The following SDC2 variants were observed in gnomAD, a reference collection of about 807,000 sequenced individuals.
The protein encoded by SDC2 is syndecan-2.
SDC2 carries 13 observed loss-of-function variants against 22.2 expected under a neutral mutation model. The observed-to-expected ratio is 0.59, with a 90% CI of 0.38 to 0.93. SDC2 has a LOEUF of 0.93. Among genes scored for constraint, SDC2 ranks in the 40% least tolerant of loss-of-function variants. The pLI is 0.00. For missense variants in SDC2, 235 were observed against 246.8 expected (o/e 0.95, Z 0.32); for synonymous variants, 94 against 92.8 (o/e 1.01, Z -0.07).
intron 1 of SDC2, among the ~76,000 whole-genome samples, chr8:96,509,882 A>G (rs1480274591): frequency 6.6e-6 from 1 of 152,190 alleles, no homozygotes; most frequent in East Asian, 1.9e-4. Context: ...GCTCCCTTCC[A>G]GCTTTTTCCT....
chr8:96,605,765 C>A (rs1815068082), intron 3 of SDC2, among the ~76,000 whole-genome samples: 1 of 152,174 alleles, frequency 6.6e-6, no homozygotes, highest in Non-Finnish European at 1.5e-5. Flanking sequence ...GCGTTCTGCT[C>A]ACTGAGACAG....
rs186958551 is a variant in SDC2 at position 96,596,116 on chromosome 8, C to T, written c.172+2525C>T. Among the ~76,000 whole-genome samples the T allele has an allele frequency of 4.6e-5, 7 of 152,254 alleles. No homozygotes were observed. In the East Asian group the frequency reaches 1.4e-3, roughly 29 times the overall value. ...GATTCTGTTAGTATTTCGATGATTC[C>T]CACGAGAAAACCTGAGGCACAGAGA... On this transcript the variant is annotated intron_variant, in intron 2 of 4. Transcript: ENST00000302190.
intron 1 of SDC2, among the ~76,000 whole-genome samples, chr8:96,543,939 T>G (rs1813891399): frequency 6.6e-6 from 1 of 152,186 alleles, no homozygotes; most frequent in African/African-American, 2.4e-5. Context: ...CAGCAAACAA[T>G]TTTACAGGAT....
intron 1 of SDC2, among the ~76,000 whole-genome samples, chr8:96,591,179 T>A (rs895318838): frequency 1.3e-5 from 2 of 152,210 alleles, no homozygotes; most frequent in Non-Finnish European, 2.9e-5. Flanking sequence ...TATCTCAGTA[T>A]TACCCTTGCC....
Position 96,576,416 on chromosome 8 carries a change from C to CTTTTTTTTTTTTT in SDC2, c.61-17055_61-17043dup, listed in dbSNP as rs71267268. Among the ~76,000 whole-genome samples the CTTTTTTTTTTTTT allele has an allele frequency of 6.5e-4, 9 of 13,814 alleles. 1 individual carries two copies. The highest frequency in any genetic ancestry group is 1.3e-3 in the African/African-American group (6 of 4,620). The allele number at this position is 13,814 out of a possible 152,430, so 9.1% of individuals were successfully genotyped here. On this transcript the variant is annotated intron_variant, in intron 1 of 4. Coordinates refer to ENST00000302190, the MANE Select transcript of SDC2 (RefSeq NM_002998.4). ...TTTACCAGATTTGCTTTATTATTCT[C>CTTTTTTTTTTTTT]TTTTTTTTTTTTTTTTTTTTTGAGA...
intron 1 of SDC2, among the ~76,000 whole-genome samples, chr8:96,501,668 A>G (rs1813167797): frequency 6.6e-6 from 1 of 152,096 alleles, no homozygotes; most frequent in South Asian, 2.1e-4. Context: ...GACTAAATAT[A>G]CAACATTTTA....
chr8:96,529,865 A>G (rs58532884), intron 1 of SDC2, among the ~76,000 whole-genome samples: 3,262 of 152,230 alleles, frequency 0.021, 112 homozygotes, highest in African/African-American at 0.074. Context: ...GCTGAGCCAC[A>G]GAGATTCCAT....
chr8:96,537,802 C>A (rs187900702), intron 1 of SDC2, among the ~76,000 whole-genome samples: 1 of 152,126 alleles, frequency 6.6e-6, no homozygotes, highest in Admixed American at 6.5e-5. Context: ...TTAAAAATAC[C>A]TGTCAGTTGA....
At chr8:96,523,592 T>C (rs1813530922) in intron 1 of SDC2, among the ~76,000 whole-genome samples, 1 of 152,094 alleles carries the variant, frequency 6.6e-6, no homozygotes, top group Non-Finnish European at 1.5e-5. Flanking sequence ...AATTATTCAG[T>C]AGGAGGTGGC....
At chr8:96,499,535 G>A (rs1813128242) in intron 1 of SDC2, among the ~76,000 whole-genome samples, 1 of 152,206 alleles carries the variant, frequency 6.6e-6, no homozygotes, top group African/African-American at 2.4e-5. Flanking sequence ...TTGGGCTTGG[G>A]AGGTGGACAA....
At chr8:96,550,425 G>A (rs1814008624) in intron 1 of SDC2, among the ~76,000 whole-genome samples, 1 of 152,108 alleles carries the variant, frequency 6.6e-6, no homozygotes, top group African/African-American at 2.4e-5. Flanking sequence ...TTTGGATAAG[G>A]GACACTCAAC....
intron 1 of SDC2, among the ~76,000 whole-genome samples, chr8:96,560,651 T>C (rs1266271550): frequency 6.6e-6 from 1 of 152,104 alleles, no homozygotes; most frequent in Admixed American, 6.5e-5. Flanking sequence ...GAACTTAATA[T>C]AGTTGTACTT....
In SDC2 at chr8:96,608,435, C is replaced by T. The variant is rs1319626778; in HGVS notation, c.407C>T (p.Ser136Leu). The T allele has an allele frequency of 1.2e-6, 2 of 1,613,532 alleles. No homozygotes were observed. Among genetic ancestry groups the T allele is most frequent in the Non-Finnish European group, 1.7e-6 (2 of 1,179,742 alleles). Residue 136 changes from serine to leucine, a missense_variant, in exon 4 of 5, where the codon TCA (serine) becomes TTA (leucine). Transcript: ENST00000302190. ...ACAAATGTGTATACTGAGAAACACT[C>T]AGACAGTCTGTTTAAACGGACAGAA... Reference protein sequence around the residue: ...EDTNVYTEKHSDSLFKRTEVL... With the variant: ...EDTNVYTEKHLDSLFKRTEVL...
In SDC2 at chr8:96,608,243, A is replaced by G. The variant is rs80090550; in HGVS notation, c.307-92A>G. On this transcript the variant is annotated intron_variant, in intron 3 of 4. Transcript: ENST00000302190. Reference sequence around the variant, plus strand: ...ATTTCCTAAACTCATTCTTTGGGGGAAAAAAAAATTTTGGAATATACTCAT... The same window carrying G: ...ATTTCCTAAACTCATTCTTTGGGGGGAAAAAAAATTTTGGAATATACTCAT... The G allele has an allele frequency of 5.5e-5, 66 of 1,191,432 alleles. 2 individuals are homozygous for G. In the South Asian group the frequency reaches 8.6e-4, roughly 15 times the overall value. The allele number at this position is 1,191,432 out of a possible 1,614,324, so 73.8% of individuals were successfully genotyped here. A position where few individuals can be genotyped will look rare whatever the true frequency, so the allele number is the denominator to read the frequency against.
chr8:96,591,505 G>T (rs1814780685), intron 1 of SDC2, among the ~76,000 whole-genome samples: 1 of 152,160 alleles, frequency 6.6e-6, no homozygotes, highest in South Asian at 2.1e-4. Context: ...GAGGGACAGA[G>T]AACACAGGTC....
intron 3 of SDC2, among the ~76,000 whole-genome samples, chr8:96,603,898 G>T (rs1286949150): frequency 6.6e-6 from 1 of 152,188 alleles, no homozygotes; most frequent in Non-Finnish European, 1.5e-5. Flanking sequence ...GCATGTGCTG[G>T]ATCCATGCAT....
intron 1 of SDC2, among the ~76,000 whole-genome samples, chr8:96,548,298 T>G (rs944810113): frequency 1.2e-4 from 19 of 152,178 alleles, no homozygotes; most frequent in Admixed American, 1.0e-3. Context: ...AGGGTACAGT[T>G]ACAGGTTGGG....
At chr8:96,580,561 G>C in intron 1 of SDC2, 3 of 979,806 alleles carry the variant, frequency 3.1e-6, no homozygotes, top group Non-Finnish European at 3.6e-6. Context: ...CAGAGGTTCT[G>C]TCTGGAGGTG....
chr8:96,547,186 T>A (rs935684058), intron 1 of SDC2, among the ~76,000 whole-genome samples: 4 of 152,262 alleles, frequency 2.6e-5, no homozygotes, highest in African/African-American at 9.6e-5. Context: ...AGGCTATTTT[T>A]AATTTATTGT....
Sources: allele counts gnomAD v4.1 joint callset (sites outside exome capture counted in the v4.1 genomes callset), GRCh38; gene constraint gnomAD v4.1.1; transcripts MANE v1.5; gene names NCBI Gene and HGNC (gene_info 2026-07-23, HGNC 2026-07-21).